The following MPDZ variants were observed in gnomAD, a reference collection of about 807,000 sequenced individuals.
MPDZ encodes multiple PDZ domain crumbs cell polarity complex component.
In MPDZ, 234 loss-of-function variants were observed where a neutral mutation model predicts 239.1. The observed-to-expected ratio is 0.98, with a 90% CI of 0.88 to 1.09. MPDZ has a LOEUF of 1.09. Among genes scored for constraint, MPDZ ranks in the 50% least tolerant of loss-of-function variants. MPDZ has a pLI of 0.00. For missense variants in MPDZ, 3,175 were observed against 2,510.0 expected (o/e 1.26, Z -5.66); for synonymous variants, 1,048 against 881.3 (o/e 1.19, Z -3.35).
At chr9:13,268,052 A>G (rs947565830) in intron 1 of MPDZ, among the ~76,000 whole-genome samples, 1 of 152,146 alleles carries the variant, frequency 6.6e-6, no homozygotes, top group African/African-American at 2.4e-5. Flanking sequence ...AATGGGAAGA[A>G]GCATGGAAGC....
In MPDZ at chr9:13,190,210, C is replaced by T. The variant is rs1954710747; in HGVS notation, c.2058G>A (p.Glu686=). ...CCCACATGGCCAAAGGTGCTTGAAC[C>T]TCTTCTGTACTCTGACCCGCATCAG... is the stretch of plus-strand genomic sequence containing the variant. The part of the protein sequence containing the change: ...AMTDAGQSTE[E]VQAPLAMWEA... Residue 686 remains glutamate (E), a synonymous_variant, in exon 16 of 47, where the codon GAG becomes GAA. Coordinates refer to ENST00000319217, the MANE Select transcript of MPDZ (RefSeq NM_001378778.1). The T allele has an allele frequency of 1.2e-5, 20 of 1,613,118 alleles. No individual in the cohort carries two copies. Among genetic ancestry groups the T allele is most frequent in the Non-Finnish European group, 1.7e-5 (20 of 1,179,498 alleles).
chr9:13,243,361 C>G (rs1308063566), intron 3 of MPDZ, among the ~76,000 whole-genome samples: 1 of 150,942 alleles, frequency 6.6e-6, no homozygotes, highest in African/African-American at 2.4e-5. Flanking sequence ...TCAGTTCTAT[C>G]TCTTTTTTTT....
At chr9:13,142,991 G>A (rs1368282326) in intron 27 of MPDZ, among the ~76,000 whole-genome samples, 1 of 152,056 alleles carries the variant, frequency 6.6e-6, no homozygotes, top group Non-Finnish European at 1.5e-5. Flanking sequence ...AATTACATGG[G>A]CATGCTTCAT....
chr9:13,158,627 A>G (rs546274572), intron 23 of MPDZ, among the ~76,000 whole-genome samples: 2 of 152,222 alleles, frequency 1.3e-5, no homozygotes, highest in East Asian at 3.9e-4. Context: ...ATTAAGTGAA[A>G]GACTTTGGTC....
At chr9:13,178,056 G>C (rs920102245) in intron 19 of MPDZ, among the ~76,000 whole-genome samples, 2 of 151,752 alleles carry the variant, frequency 1.3e-5, no homozygotes, top group Non-Finnish European at 2.9e-5. Context: ...CGCCTGCCTC[G>C]GCCTCTCAAA....
Position 13,216,746 on chromosome 9 carries a change from C to T in MPDZ, c.1290+28G>A, listed in dbSNP as rs375237042. The T allele has an allele frequency of 6.0e-6, 9 of 1,499,856 alleles. No individual in the cohort carries two copies. The African/African-American group carries it at 1.1e-4, about 18-fold the overall frequency. 92.9% of individuals were successfully genotyped at this position (1,499,856 alleles called of 1,614,324 possible). ...TACAATTCTCAACCATGAAAATTAA[C>T]AAAGCTATTGTTAAATGTGTAACTT... On this transcript the variant is annotated intron_variant, in intron 10 of 46. Coordinates refer to ENST00000319217, the MANE Select transcript of MPDZ (RefSeq NM_001378778.1).
chr9:13,262,639 T>A (rs1970954906), intron 1 of MPDZ, among the ~76,000 whole-genome samples: 2 of 150,200 alleles, frequency 1.3e-5, no homozygotes, highest in South Asian at 2.1e-4. Context: ...AAAAATACTC[T>A]AGCAATCTAA....
intron 22 of MPDZ, among the ~76,000 whole-genome samples, chr9:13,165,013 A>G (rs1411022548): frequency 1.3e-5 from 2 of 152,164 alleles, no homozygotes; most frequent in African/African-American, 4.8e-5. Flanking sequence ...ATGGACTAGA[A>G]GAAAAAAGAA....
intron 38 of MPDZ, among the ~76,000 whole-genome samples, chr9:13,121,234 C>T (rs142768002): frequency 1.6e-4 from 24 of 152,242 alleles, no homozygotes; most frequent in African/African-American, 5.8e-4. Flanking sequence ...TAAACCAATA[C>T]TCACTTATCA....
At chr9:13,143,394 A>G in intron 27 of MPDZ, 72 bp downstream of exon 27, 1 of 1,158,834 alleles carries the variant, frequency 8.6e-7, no homozygotes, top group South Asian at 1.3e-5. Flanking sequence ...ACTGGGACAA[A>G]GACACAGTAG....
intron 12 of MPDZ, among the ~76,000 whole-genome samples, chr9:13,199,968 A>T (rs1383103546): frequency 9.2e-5 from 14 of 151,988 alleles, no homozygotes; most frequent in Admixed American, 8.5e-4. Flanking sequence ...GCTGGCCCCA[A>T]ATAATGGGTT....
At chr9:13,134,188 T>A (rs956913634) in intron 31 of MPDZ, 1 of 164,200 alleles carries the variant, frequency 6.1e-6, no homozygotes, top group Non-Finnish European at 1.3e-5. Context: ...ACCAAGTGGC[T>A]TGAAGACTGC....
Position 13,224,503 on chromosome 9 carries a change from C to T in MPDZ, c.264G>A (p.Leu88=), listed in dbSNP as rs756384795. 6.2e-7 allele frequency: 1 copy of T among 1,612,730 alleles called. No individual in the cohort carries two copies. The highest frequency in any genetic ancestry group is 1.1e-5 in the South Asian group (1 of 91,052). ...GGGATAATAAAAACGATTCATTTTG[C>T]AGAGTAGGAATCACAGCTGGGCTGA... ...PHLSPAVIPT[L]QNESFLLSPN... is the part of the protein sequence containing the mutation. Residue 88 remains leucine (L), a synonymous_variant, in exon 4 of 47, where the codon CTG becomes CTA. Coordinates refer to ENST00000319217, the MANE Select transcript of MPDZ (RefSeq NM_001378778.1).
intron 1 of MPDZ, among the ~76,000 whole-genome samples, chr9:13,277,642 G>A (rs1974539157): frequency 6.6e-6 from 1 of 152,124 alleles, no homozygotes; most frequent in Non-Finnish European, 1.5e-5. Flanking sequence ...TCGGCTCAAT[G>A]CAACCGCTGC....
chr9:13,112,800 A>G (rs1484995885), intron 42 of MPDZ, among the ~76,000 whole-genome samples: 1 of 152,238 alleles, frequency 6.6e-6, no homozygotes, highest in African/African-American at 2.4e-5. Flanking sequence ...ATTTTCAGCA[A>G]AACAGAGCAT....
At chr9:13,222,755 A>G (rs889705946) in intron 5 of MPDZ, among the ~76,000 whole-genome samples, 1 of 152,106 alleles carries the variant, frequency 6.6e-6, no homozygotes, top group Admixed American at 6.6e-5. Flanking sequence ...GGATATATCT[A>G]TACAGTTGGC....
At chr9:13,246,811 C>T (rs1966687764) in intron 3 of MPDZ, among the ~76,000 whole-genome samples, 1 of 152,018 alleles carries the variant, frequency 6.6e-6, no homozygotes, top group Non-Finnish European at 1.5e-5. Context: ...CATCTATAAC[C>T]ATTAAATTAA....
intron 39 of MPDZ, 44 bp downstream of exon 39, chr9:13,119,458 T>A (rs768032596): frequency 6.4e-6 from 10 of 1,566,878 alleles, no homozygotes; most frequent in South Asian, 3.6e-5. Context: ...AATTATCTTT[T>A]TTCTTCTACG....
At position 13,219,592 on chromosome 9, in the gene MPDZ, G is replaced by A. The variant is rs371163123; in HGVS notation, c.1053C>T (p.Leu351=). The change falls in exon 8 of 47, where the codon CTC becomes CTT. Residue 351 remains leucine (L), a synonymous_variant. Coordinates refer to ENST00000319217, the MANE Select transcript of MPDZ (RefSeq NM_001378778.1). The part of the protein sequence containing the change: ...RTAPTALGIT[L]SSSPTSTPEL... Reference sequence around the variant, plus strand: ...CTGGTGTTGAAGTTGGGGATGAGGAGAGGGTGATGCCCAAAGCAGTGGGTG... The same window carrying A: ...CTGGTGTTGAAGTTGGGGATGAGGAAAGGGTGATGCCCAAAGCAGTGGGTG... 2.5e-6 allele frequency: 4 copies of A among 1,612,096 alleles called. No individual in the cohort carries two copies. The African/African-American group carries it at 4.0e-5, about 16-fold the overall frequency.
Sources: allele counts gnomAD v4.1 joint callset (sites outside exome capture counted in the v4.1 genomes callset), GRCh38; gene constraint gnomAD v4.1.1; transcripts MANE v1.5; gene names NCBI Gene and HGNC (gene_info 2026-07-23, HGNC 2026-07-21).